AGTPBP1: variants seen among roughly 807,000 people sequenced by gnomAD.
AGTPBP1 encodes cytosolic carboxypeptidase 1.
AGTPBP1 carries 70 observed loss-of-function variants against 143.9 expected under a neutral mutation model. The ratio of observed to expected loss-of-function variants is 0.49; its 90% CI spans 0.40 to 0.59. The LOEUF (loss-of-function observed/expected upper bound fraction) is 0.59, where lower values mean the gene tolerates loss of function less well. Ranked by LOEUF, AGTPBP1 falls within the 20% of genes least tolerant of loss-of-function variation. The pLI, the probability that AGTPBP1 is intolerant of heterozygous loss-of-function variation, is 0.00. For missense variants in AGTPBP1, 1,229 were observed against 1,464.5 expected (o/e 0.84, Z 2.62); for synonymous variants, 463 against 500.2 (o/e 0.93, Z 0.99).
chr9:85,575,242 G>A lies in AGTPBP1; in HGVS notation c.3503+73C>T, dbSNP rs577531416. 13 of 1,173,920 alleles carry A rather than the reference G, an allele frequency of 1.1e-5. No individual in the cohort carries two copies. In the East Asian group the frequency reaches 2.9e-4, roughly 26 times the overall value. The allele number at this position is 1,173,920 out of a possible 1,614,324, so 72.7% of individuals were successfully genotyped here. ...TGCTCTTGCCTGTCAAAATTTCCATGCCTTTTCTGCTATTTTAATGAAGTC... is the reference window on the plus strand; with the variant it reads ...TGCTCTTGCCTGTCAAAATTTCCATACCTTTTCTGCTATTTTAATGAAGTC... On this transcript the variant is annotated intron_variant, in intron 25 of 25. Transcript: ENST00000357081.
In AGTPBP1 at chr9:85,589,701, C is replaced by G. The variant is rs1828835975; in HGVS notation, c.2569-20G>C. On this transcript the variant is annotated intron_variant, in intron 19 of 25. Transcript: ENST00000357081. Reference sequence around the variant, plus strand: ...ATGCATCTTGATAAAAATTTTAAAACAAAATATACAATCACTTAAAAAGTC... The same window carrying G: ...ATGCATCTTGATAAAAATTTTAAAAGAAAATATACAATCACTTAAAAAGTC... The G allele has an allele frequency of 1.3e-6, 2 of 1,592,340 alleles. No homozygotes were observed. The highest frequency in any genetic ancestry group is 3.5e-5 in the Admixed American group (2 of 57,154).
intron 7 of AGTPBP1, among the ~76,000 whole-genome samples, chr9:85,671,061 C>G (rs1239026973): frequency 6.6e-6 from 1 of 152,004 alleles, no homozygotes; most frequent in Non-Finnish European, 1.5e-5. Context: ...CCCACCTTAG[C>G]TTCCTGAGTA....
At chr9:85,586,634 C>G (rs1405041557) in intron 22 of AGTPBP1, among the ~76,000 whole-genome samples, 197 bp downstream of exon 22, 3 of 152,148 alleles carry the variant, frequency 2.0e-5, no homozygotes, top group East Asian at 3.9e-4. Context: ...AAAGTTACAA[C>G]CAAGAGTTAT....
intron 9 of AGTPBP1, among the ~76,000 whole-genome samples, chr9:85,659,808 T>C (rs953236604): frequency 2.6e-5 from 4 of 152,152 alleles, no homozygotes; most frequent in Non-Finnish European, 5.9e-5. Flanking sequence ...TTAATCTTTA[T>C]ACAGTTTGAA....
At chr9:85,691,854 C>T (rs62569242) in intron 3 of AGTPBP1, among the ~76,000 whole-genome samples, 2,540 of 152,108 alleles carry the variant, frequency 0.017, 25 homozygotes, top group Middle Eastern at 0.054. Context: ...ATTACCATCA[C>T]AAAATATAAA....
intron 3 of AGTPBP1, among the ~76,000 whole-genome samples, chr9:85,686,452 C>T (rs1835493201): frequency 6.6e-6 from 1 of 151,976 alleles, no homozygotes; most frequent in Non-Finnish European, 1.5e-5. Context: ...CTCTTATAGC[C>T]CTATCTAAAT....
At chr9:85,762,287 T>C in the AGTPBP1 span, among the ~76,000 whole-genome samples, 2 of 152,012 alleles carry the variant, frequency 1.3e-5, no homozygotes, top group Admixed American at 6.6e-5. Flanking sequence ...ACCCAAAGGA[T>C]TATAAATCAT....
chr9:85,664,878 C>G (rs555934195), intron 8 of AGTPBP1, among the ~76,000 whole-genome samples: 4 of 152,098 alleles, frequency 2.6e-5, no homozygotes, highest in South Asian at 2.1e-4. Context: ...TACTAAGAAG[C>G]CTTCTTTGTC....
intron 25 of AGTPBP1, among the ~76,000 whole-genome samples, chr9:85,551,140 C>A (rs571385007): frequency 1.3e-5 from 2 of 152,202 alleles, no homozygotes; most frequent in East Asian, 3.9e-4. Context: ...AAAAGCCAAG[C>A]AGACGGTGGC....
chr9:85,719,006 C>G (rs139853389), intron 1 of AGTPBP1, among the ~76,000 whole-genome samples: 14 of 152,262 alleles, frequency 9.2e-5, no homozygotes, highest in Non-Finnish European at 1.5e-4. Flanking sequence ...TCTGAGGCCT[C>G]TGTTCTGTTC....
At chr9:85,694,421 CCA>C (rs965226981) in intron 2 of AGTPBP1, among the ~76,000 whole-genome samples, 3 of 152,148 alleles carry the variant, frequency 2.0e-5, no homozygotes, top group East Asian at 3.9e-4. Flanking sequence ...CTCCATTTCC[CCA>C]CAGACTGTTC....
At chr9:85,757,279 C>G in the AGTPBP1 span, among the ~76,000 whole-genome samples, 1 of 152,022 alleles carries the variant, frequency 6.6e-6, no homozygotes, top group Admixed American at 6.6e-5. Flanking sequence ...ATTGGTCAGA[C>G]TGGTCTCGAA....
At chr9:85,752,540 C>A in the AGTPBP1 span, among the ~76,000 whole-genome samples, 1 of 152,110 alleles carries the variant, frequency 6.6e-6, no homozygotes, top group African/African-American at 2.4e-5. Context: ...ATGAAAAAAA[C>A]GCTCAGTTTT....
Position 85,689,926 on chromosome 9 carries a change from AT to A in AGTPBP1, c.157+2762del, listed in dbSNP as rs66851207. Among the ~76,000 whole-genome samples, 294 of 64,346 alleles carry A rather than the reference AT, an allele frequency of 4.6e-3. 2 individuals carry two copies. The highest frequency in any genetic ancestry group is 0.014 in the African/African-American group (167 of 12,116). 42.2% of individuals were successfully genotyped at this position (64,346 alleles called of 152,430 possible). A position where few individuals can be genotyped will look rare whatever the true frequency, so the allele number is the denominator to read the frequency against. The stretch of plus-strand genomic sequence containing the variant: ...AAAAAAAAAAAAAAAAAAAAAAAAA[AT>A]ATATATATATATATATATATCTTAA... On this transcript the variant is annotated intron_variant, in intron 3 of 25. Transcript: ENST00000357081.
the AGTPBP1 span, among the ~76,000 whole-genome samples, chr9:85,767,496 C>T: frequency 3.9e-5 from 6 of 152,074 alleles, no homozygotes; most frequent in Non-Finnish European, 7.4e-5. Context: ...TGCAGGCACA[C>T]GCCATCATGC....
intron 11 of AGTPBP1, among the ~76,000 whole-genome samples, chr9:85,652,922 T>C (rs1833258328): frequency 1.3e-5 from 2 of 152,152 alleles, no homozygotes; most frequent in Admixed American, 1.3e-4. Context: ...TTGAACTGAA[T>C]TGCAGAACAC....
At chr9:85,601,981 C>A (rs577528734) in intron 17 of AGTPBP1, among the ~76,000 whole-genome samples, 1 of 152,016 alleles carries the variant, frequency 6.6e-6, no homozygotes, top group African/African-American at 2.4e-5. Context: ...GTATCATAGA[C>A]TTGCCTTCAG....
At chr9:85,686,673 A>C (rs1835506502) in intron 3 of AGTPBP1, among the ~76,000 whole-genome samples, 2 of 152,192 alleles carry the variant, frequency 1.3e-5, no homozygotes, top group Non-Finnish European at 2.9e-5. Context: ...ATAACATGTA[A>C]ATCAATAACA....
At chr9:85,766,248 A>C in the AGTPBP1 span, among the ~76,000 whole-genome samples, 16 of 152,326 alleles carry the variant, frequency 1.1e-4, no homozygotes, top group African/African-American at 3.8e-4. Flanking sequence ...CAAGTTGTGG[A>C]TAACGTATTA....
Sources: allele counts gnomAD v4.1 joint callset (sites outside exome capture counted in the v4.1 genomes callset), GRCh38; gene constraint gnomAD v4.1.1; transcripts MANE v1.5; gene names NCBI Gene and HGNC (gene_info 2026-07-23, HGNC 2026-07-21).